TLN2: variants seen among roughly 807,000 people sequenced by gnomAD.
TLN2 encodes talin 2, also known as talin-2.
TLN2 carries 118 observed loss-of-function variants against 294.7 expected under a neutral mutation model. The ratio of observed to expected loss-of-function variants is 0.40; its 90% CI spans 0.34 to 0.47. TLN2 has a LOEUF of 0.47. Among genes scored for constraint, TLN2 ranks in the 20% least tolerant of loss-of-function variants. TLN2 has a pLI of 0.84. For missense variants in TLN2, 3,083 were observed against 3,282.2 expected, an observed-to-expected ratio of 0.94 and a Z score of 1.48; for synonymous variants, 1,431 against 1,304.5, an observed-to-expected ratio of 1.10 and a Z score of -2.09.
At chr15:62,839,017 G>A (rs773614381) in intron 58 of TLN2, 36 bp downstream of exon 58, 9 of 1,599,522 alleles carry the variant, frequency 5.6e-6, no homozygotes, top group Non-Finnish European at 6.0e-6. Context: ...TTTACTTCCC[G>A]AGAGAGGTGT....
chr15:62,598,775 A>G (rs989527410), intron 2 of TLN2, among the ~76,000 whole-genome samples: 5 of 151,798 alleles, frequency 3.3e-5, no homozygotes, highest in African/African-American at 1.2e-4. Context: ...GAAGTGCTCA[A>G]AGTAAATTCA....
chr15:62,468,990 C>T (rs1312712731), intron 1 of TLN2, among the ~76,000 whole-genome samples: 1 of 152,122 alleles, frequency 6.6e-6, no homozygotes, highest in Non-Finnish European at 1.5e-5. Context: ...CAACAATTTA[C>T]CCTATGTGAG....
intron 1 of TLN2, among the ~76,000 whole-genome samples, chr15:62,428,361 T>C (rs1459809694): frequency 6.6e-6 from 1 of 152,224 alleles, no homozygotes; most frequent in East Asian, 1.9e-4. Flanking sequence ...TGTTTGTTTG[T>C]CTTTGTGGAT....
In TLN2 at chr15:62,720,841, A is replaced by G. The variant is rs374790750; in HGVS notation, c.2991+961A>G. ...ACGTACAGGTTTTTAATTTTTTGCC[A>G]TCATGAATAACGTGATAAAAATCTT... On this transcript the variant is annotated intron_variant, in intron 25 of 58. Transcript: ENST00000636159. Among the ~76,000 whole-genome samples the G allele has an allele frequency of 2.1e-4, 32 of 152,192 alleles. No individual in the cohort carries two copies. The East Asian group carries it at 6.0e-3, about 28-fold the overall frequency.
chr15:62,560,719 C>T (rs533078763), intron 1 of TLN2, among the ~76,000 whole-genome samples: 4 of 152,244 alleles, frequency 2.6e-5, no homozygotes, highest in East Asian at 3.9e-4. Context: ...CCTGTCTGGA[C>T]GATGCCCCTG....
At chr15:62,533,183 G>C (rs1438339026) in intron 1 of TLN2, among the ~76,000 whole-genome samples, 1 of 147,594 alleles carries the variant, frequency 6.8e-6, no homozygotes, top group East Asian at 2.1e-4. Context: ...GAACCCGGGA[G>C]GCAGAGGTTA....
At chr15:62,446,974 GTTAA>G (rs2035853409) in intron 1 of TLN2, among the ~76,000 whole-genome samples, 1 of 151,900 alleles carries the variant, frequency 6.6e-6, no homozygotes, top group East Asian at 1.9e-4. Flanking sequence ...TCTGCAAGAA[GTTAA>G]TAGGGCTTCC....
At chr15:62,501,815 G>A (rs2039324516) in intron 1 of TLN2, among the ~76,000 whole-genome samples, 1 of 152,138 alleles carries the variant, frequency 6.6e-6, no homozygotes, top group African/African-American at 2.4e-5. Flanking sequence ...TTAATTTTAA[G>A]TATCTATTTT....
intron 1 of TLN2, among the ~76,000 whole-genome samples, chr15:62,586,444 C>T (rs1270168253): frequency 6.6e-6 from 1 of 152,186 alleles, no homozygotes; most frequent in Admixed American, 6.5e-5. Context: ...ATTTGTGCAT[C>T]TACAAGGAAT....
intron 40 of TLN2, among the ~76,000 whole-genome samples, chr15:62,764,276 C>T (rs11854375): frequency 0.98 from 149,558 of 152,268 alleles, 73,496 homozygotes; most frequent in Middle Eastern, 1. Flanking sequence ...CCCTTTGGGT[C>T]TTTTTCTATT....
At chr15:62,785,792 T>C (rs1567602379) in intron 45 of TLN2, among the ~76,000 whole-genome samples, 2 of 152,200 alleles carry the variant, frequency 1.3e-5, no homozygotes, top group African/African-American at 2.4e-5. Context: ...TATAGCCCTT[T>C]CCACATGAGT....
intron 11 of TLN2, among the ~76,000 whole-genome samples, chr15:62,685,135 C>G (rs2057171709): frequency 6.6e-6 from 1 of 151,756 alleles, no homozygotes; most frequent in East Asian, 1.9e-4. Flanking sequence ...TGTTCAGTGC[C>G]TTTTTCATGT....
chr15:62,527,948 T>TAAAAATACATGTGGAAAATATA, intron 1 of TLN2, among the ~76,000 whole-genome samples: 1 of 152,190 alleles, frequency 6.6e-6, no homozygotes, highest in Non-Finnish European at 1.5e-5. Flanking sequence ...TTCCAGATTA[T>TAAAAATACATGTGGAAAATATA]AAAAATACAT....
At position 62,447,176 on chromosome 15, in the gene TLN2, T is replaced by TTTAC. The variant is rs1312080116; in HGVS notation, c.-238+56494_-238+56495insCTTA. Among the ~76,000 whole-genome samples, 394 of 151,652 alleles carry TTTAC rather than the reference T, an allele frequency of 2.6e-3. 2 individuals carry two copies. Among genetic ancestry groups the TTTAC allele is most frequent in the African/African-American group, 9.2e-3 (380 of 41,090 alleles). ...CTATATTTATTTATTTATTTGTTTATTTATTTATTTAATTAGGAACTATTC... is the reference window on the plus strand; with the variant it reads ...CTATATTTATTTATTTATTTGTTTATTTACTTATTTATTTAATTAGGAACTATTC... On this transcript the variant is annotated intron_variant, in intron 1 of 58. Coordinates refer to ENST00000636159, the MANE Select transcript of TLN2 (RefSeq NM_015059.3).
chr15:62,435,122 T>C (rs2035223920), intron 1 of TLN2, among the ~76,000 whole-genome samples: 1 of 152,228 alleles, frequency 6.6e-6, no homozygotes, highest in African/African-American at 2.4e-5. Context: ...CTGCATAGTA[T>C]TCCATGGTGT....
At chr15:62,436,088 A>T (rs1006411000) in intron 1 of TLN2, among the ~76,000 whole-genome samples, 2 of 152,170 alleles carry the variant, frequency 1.3e-5, no homozygotes, top group African/African-American at 4.8e-5. Flanking sequence ...ATTTCTCCGT[A>T]CTTCCCATTG....
intron 1 of TLN2, among the ~76,000 whole-genome samples, chr15:62,551,546 AC>A (rs1420350390): frequency 1.1e-4 from 17 of 151,468 alleles, no homozygotes; most frequent in African/African-American, 4.1e-4. Context: ...ACACACACAC[AC>A]AAATAGCCAG....
chr15:62,600,967 T>C (rs2046950367), intron 2 of TLN2, among the ~76,000 whole-genome samples: 1 of 152,230 alleles, frequency 6.6e-6, no homozygotes, highest in South Asian at 2.1e-4. Flanking sequence ...TGTCTTATTT[T>C]TTACGTTTCC....
intron 28 of TLN2, among the ~76,000 whole-genome samples, chr15:62,732,072 T>G (rs1307498975): frequency 1.3e-5 from 2 of 152,172 alleles, no homozygotes; most frequent in Non-Finnish European, 2.9e-5. Flanking sequence ...CTTTGTGGAT[T>G]GTTTAGGACT....
Sources: gnomAD v4.1 joint callset for allele counts (sites outside exome capture counted in the v4.1 genomes callset) on GRCh38, gnomAD v4.1.1 for gene constraint, MANE v1.5 for transcripts, NCBI Gene and HGNC (gene_info 2026-07-23, HGNC 2026-07-21) for gene names.